Variants in LAMA4 observed in about 807,000 individuals in gnomAD.
LAMA4 encodes the protein laminin subunit alpha-4.
In LAMA4, 127 loss-of-function variants were observed where a neutral mutation model predicts 207.1. The ratio of observed to expected loss-of-function variants is 0.61; its 90% CI spans 0.53 to 0.71. The LOEUF (loss-of-function observed/expected upper bound fraction) is 0.71. LAMA4 is among the 30% of genes least tolerant of loss of function. The pLI is 0.00. For synonymous variants in LAMA4, 761 were observed against 816.0 expected (o/e 0.93, Z 1.15); for missense variants, 2,093 against 2,246.5 (o/e 0.93, Z 1.38).
intron 24 of LAMA4, among the ~76,000 whole-genome samples, 173 bp from the exon 25 acceptor site, chr6:112,136,427 C>T (rs989060879): frequency 5.9e-5 from 9 of 152,154 alleles, no homozygotes; most frequent in Non-Finnish European, 1.2e-4. Context: ...AGTGGTGGCT[C>T]ACACCTGTAA....
chr6:112,214,186 C>T, intron 3 of LAMA4: 2 of 444,566 alleles, frequency 4.5e-6, no homozygotes, highest in Non-Finnish European at 4.0e-6. Context: ...TATTCATGTG[C>T]AAGCATTTTC....
intron 9 of LAMA4, among the ~76,000 whole-genome samples, chr6:112,182,778 T>G (rs3777934): frequency 1.4e-4 from 21 of 152,190 alleles, no homozygotes; most frequent in African/African-American, 5.1e-4. Context: ...TCACCTCTGC[T>G]TGTAGCCCAG....
chr6:112,144,314 A>G (rs1233660944), intron 19 of LAMA4, among the ~76,000 whole-genome samples: 4 of 152,238 alleles, frequency 2.6e-5, no homozygotes, highest in African/African-American at 9.6e-5. Flanking sequence ...GGTGGTCAGT[A>G]AAAGCTTCTG....
chr6:112,148,430 C>G, intron 17 of LAMA4, 94 bp from the exon 18 acceptor site: 1 of 1,378,222 alleles, frequency 7.3e-7, no homozygotes, highest in Non-Finnish European at 1.0e-6. Flanking sequence ...TGAAACAGAT[C>G]TCACATTTTG....
Position 112,216,561 on chromosome 6 carries a change from A to G in LAMA4, c.196-92T>C, listed in dbSNP as rs1784636059. 3 of 813,894 alleles carry G rather than the reference A, an allele frequency of 3.7e-6. No individual in the cohort carries two copies. The Admixed American group carries it at 5.8e-5, about 16-fold the overall frequency. The allele number at this position is 813,894 out of a possible 1,614,324, so 50.4% of individuals were successfully genotyped here. A position where few individuals can be genotyped will look rare whatever the true frequency, so the allele number is the denominator to read the frequency against. On this transcript the variant is annotated intron_variant, in intron 2 of 38. Transcript: ENST00000230538. Reference sequence around the variant, plus strand: ...AGAAATCAGAGAAAGTGATTATTAAACAATCTAAACATTTCTAAAATGAAT... The same window carrying G: ...AGAAATCAGAGAAAGTGATTATTAAGCAATCTAAACATTTCTAAAATGAAT...
At chr6:112,212,923 C>G (rs1301748684) in intron 3 of LAMA4, among the ~76,000 whole-genome samples, 1 of 152,138 alleles carries the variant, frequency 6.6e-6, no homozygotes, top group Non-Finnish European at 1.5e-5. Flanking sequence ...GTTCAAAAAT[C>G]ATGAAAATGC....
intron 12 of LAMA4, among the ~76,000 whole-genome samples, chr6:112,168,588 C>T (rs191862110): frequency 5.5e-4 from 84 of 152,038 alleles, no homozygotes; most frequent in African/African-American, 2.0e-3. Context: ...TCAGGTGATC[C>T]ACCTGCCTTG....
At chr6:112,154,117 A>G (rs1160141667) in intron 16 of LAMA4, among the ~76,000 whole-genome samples, 1 of 152,192 alleles carries the variant, frequency 6.6e-6, no homozygotes, top group Non-Finnish European at 1.5e-5. Flanking sequence ...CTTGGGAATT[A>G]GTTCATTATC....
chr6:112,245,461 A>G (rs1786843161), intron 2 of LAMA4, among the ~76,000 whole-genome samples: 1 of 152,188 alleles, frequency 6.6e-6, no homozygotes. Context: ...CTTTGTACAT[A>G]GACAACAGTG....
intron 17 of LAMA4, 149 bp downstream of exon 17, chr6:112,150,362 T>C: frequency 2.7e-6 from 2 of 739,652 alleles, no homozygotes; most frequent in Non-Finnish European, 4.9e-6. Flanking sequence ...TCTAGAACTT[T>C]TTTTTGTGAT....
intron 36 of LAMA4, among the ~76,000 whole-genome samples, chr6:112,115,311 CTGTT>C (rs1777950793): frequency 6.6e-6 from 1 of 151,946 alleles, no homozygotes; most frequent in East Asian, 1.9e-4. Context: ...AAATAAAAAT[CTGTT>C]ATGTTAAGTT....
intron 38 of LAMA4, among the ~76,000 whole-genome samples, chr6:112,109,831 T>G (rs148042472): frequency 6.6e-6 from 1 of 152,306 alleles, no homozygotes; most frequent in African/African-American, 2.4e-5. Flanking sequence ...TAGCTGTCTT[T>G]CAAGGCTGAA....
chr6:112,130,095 C>T (rs896526761), intron 29 of LAMA4, 55 bp from the exon 30 acceptor site: 1 of 1,470,806 alleles, frequency 6.8e-7, no homozygotes, highest in Non-Finnish European at 9.5e-7. Flanking sequence ...TTACCTTGAC[C>T]CACTCTAGGT....
chr6:112,141,324 T>C (rs1779679193), intron 21 of LAMA4, 34 bp downstream of exon 21: 2 of 1,606,510 alleles, frequency 1.2e-6, no homozygotes, highest in Non-Finnish European at 1.7e-6. Flanking sequence ...TTGTGATATG[T>C]GCATATATGC....
Position 112,108,523 on chromosome 6 carries a change from G to A in LAMA4, c.*914C>T, listed in dbSNP as rs1318331012. 6.6e-6 allele frequency among the ~76,000 whole-genome samples: 1 copy of A among 152,030 alleles called. No individual in the cohort carries two copies. Among genetic ancestry groups the A allele is most frequent in the Non-Finnish European group, 1.5e-5 (1 of 68,012 alleles). ...CAGCCTTGAACTCCTGAGCTTAAGC[G>A]ATCCTCCCGTCTCAGCCTCCCAAGT... On this transcript the variant is annotated 3_prime_UTR_variant, in exon 39 of 39. Transcript: ENST00000230538.
At chr6:112,114,458 C>G (rs950466118) in intron 37 of LAMA4, among the ~76,000 whole-genome samples, 5 of 152,028 alleles carry the variant, frequency 3.3e-5, no homozygotes, top group African/African-American at 4.8e-5. Flanking sequence ...TTGAAGCAAC[C>G]CCTTAACACA....
chr6:112,187,163 C>G (rs1169017782), intron 8 of LAMA4: 1 of 499,482 alleles, frequency 2.0e-6, no homozygotes, highest in African/African-American at 1.9e-5. Flanking sequence ...AAGTGTTTCT[C>G]TTTCCTCAGT....
At chr6:112,120,086 C>T (rs587616552) in intron 33 of LAMA4, among the ~76,000 whole-genome samples, 197 bp downstream of exon 33, 5 of 152,288 alleles carry the variant, frequency 3.3e-5, no homozygotes, top group Non-Finnish European at 5.9e-5. Context: ...TAAATAATTA[C>T]GCTCAGCCTG....
At chr6:112,119,756 C>A (rs1778237891) in intron 33 of LAMA4, among the ~76,000 whole-genome samples, 1 of 152,152 alleles carries the variant, frequency 6.6e-6, no homozygotes, top group African/African-American at 2.4e-5. Flanking sequence ...AAGCTTTTCC[C>A]AGTTAACCAG....
Sources: gnomAD v4.1 joint callset for allele counts (sites outside exome capture counted in the v4.1 genomes callset) on GRCh38, gnomAD v4.1.1 for gene constraint, MANE v1.5 for transcripts, NCBI Gene and HGNC (gene_info 2026-07-23, HGNC 2026-07-21) for gene names.